The following C3orf70 variants were observed in gnomAD, a reference collection of about 807,000 sequenced individuals.
C3orf70 encodes chromosome 3 open reading frame 70, also known as UPF0524 protein C3orf70.
C3orf70 carries 15 observed loss-of-function variants against 20.7 expected under a neutral mutation model. That is an observed-to-expected ratio of 0.72 (90% CI 0.48 to 1.11). C3orf70 has a LOEUF of 1.11. C3orf70 is among the 50% of genes most tolerant of loss of function. The probability of loss-of-function intolerance (pLI) is 0.00; values close to 1 mark genes in which losing one functional copy is unlikely to be tolerated. For synonymous variants in C3orf70, 161 were observed against 125.7 expected, an observed-to-expected ratio of 1.28 and a Z score of -1.88; for missense variants, 332 against 317.6, an observed-to-expected ratio of 1.05 and a Z score of -0.34.
At chr3:185,086,881 A>G (rs1031021429) in intron 1 of C3orf70, among the ~76,000 whole-genome samples, 5 of 152,372 alleles carry the variant, frequency 3.3e-5, no homozygotes, top group African/African-American at 1.2e-4. Context: ...CAATCATTAC[A>G]TAATACTATA....
chr3:185,152,782 C>T lies in C3orf70; in HGVS notation c.42G>A (p.Lys14=), dbSNP rs751009927. ...CCTGAGCCTCATCTAGTTTCTCGCT[C>T]TTCCAACCCCGCTCCGACGCCGGCG... ...AASPASERGW[K]SEKLDEAQAL... Residue 14 remains lysine, a synonymous_variant, in exon 1 of 2, where the codon AAG becomes AAA. Coordinates refer to ENST00000335012, the MANE Select transcript of C3orf70 (RefSeq NM_001025266.3). The T allele has an allele frequency of 7.0e-6, 11 of 1,571,916 alleles. No homozygotes were observed. Among genetic ancestry groups the T allele is most frequent in the African/African-American group, 5.6e-5 (4 of 71,424 alleles).
intron 1 of C3orf70, among the ~76,000 whole-genome samples, chr3:185,141,784 T>C (rs1032512281): frequency 6.9e-6 from 1 of 145,752 alleles, no homozygotes; most frequent in African/African-American, 2.6e-5. Context: ...AAGTATGCAG[T>C]GGGGAAATGC....
In C3orf70 at chr3:185,152,674, G is replaced by T; in HGVS notation, c.150C>A (p.Gly50=). The T allele has an allele frequency of 6.3e-7, 1 of 1,592,710 alleles. No individual in the cohort carries two copies. The highest frequency in any genetic ancestry group is 2.4e-5 in the East Asian group (1 of 42,344). The change falls in exon 1 of 2, where the codon GGC becomes GGA. Residue 50 remains glycine, a synonymous_variant. Coordinates refer to ENST00000335012, the MANE Select transcript of C3orf70 (RefSeq NM_001025266.3). ...GLSICATHSH[G]KCFKLHWCCH... is the part of the protein sequence containing the mutation. ...AGCACCAGTGCAGCTTGAAGCACTT[G>T]CCATGGCTGTGCGTGGCACAGATAG...
chr3:185,117,440 C>A, intron 1 of C3orf70, among the ~76,000 whole-genome samples: 1 of 139,342 alleles, frequency 7.2e-6, no homozygotes. Flanking sequence ...CACACACACA[C>A]ACACACACAC....
chr3:185,115,027 T>G (rs1443742725), intron 1 of C3orf70, among the ~76,000 whole-genome samples: 2 of 152,238 alleles, frequency 1.3e-5, no homozygotes, highest in Admixed American at 1.3e-4. Context: ...AGATCAGTGA[T>G]TCTCAATCTT....
At chr3:185,119,578 G>T (rs1716250806) in intron 1 of C3orf70, among the ~76,000 whole-genome samples, 1 of 152,074 alleles carries the variant, frequency 6.6e-6, no homozygotes, top group African/African-American at 2.4e-5. Context: ...ATGTAAATGT[G>T]AAAATGAACT....
rs530221503 is a variant in C3orf70 at position 185,112,402 on chromosome 3, C to T, written c.197-28839G>A. Among the ~76,000 whole-genome samples, 12 of 152,296 alleles carry T rather than the reference C, an allele frequency of 7.9e-5. No homozygotes were observed. The East Asian group carries it at 2.1e-3, about 27-fold the overall frequency. Reference sequence around the variant, plus strand: ...CCACCTGGTTCTCATTTTCCTATTCCCCAGCAAGCATAATTTCACTAGTTT... The same window carrying T: ...CCACCTGGTTCTCATTTTCCTATTCTCCAGCAAGCATAATTTCACTAGTTT... On this transcript the variant is annotated intron_variant, in intron 1 of 1. Transcript: ENST00000335012.
Position 185,091,912 on chromosome 3 carries a change from CATATATATATATATATATAT to C in C3orf70, c.197-8369_197-8350del, listed in dbSNP as rs869291177. On this transcript the variant is annotated intron_variant, in intron 1 of 1. Coordinates refer to ENST00000335012, the MANE Select transcript of C3orf70 (RefSeq NM_001025266.3). Reference sequence around the variant, plus strand: ...ATACACACATACACACACACACATACATATATATATATATATATATATATATATATATATATATATATATA... The same window carrying C: ...ATACACACATACACACACACACATACATATATATATATATATATATATATA... Among the ~76,000 whole-genome samples the C allele has an allele frequency of 1.9e-3, 68 of 35,850 alleles. 4 individuals carry two copies. Among genetic ancestry groups the C allele is most frequent in the African/African-American group, 4.8e-3 (61 of 12,608 alleles). 23.5% of individuals were successfully genotyped at this position (35,850 alleles called of 152,430 possible).
chr3:185,108,945 A>G (rs946580732), intron 1 of C3orf70, among the ~76,000 whole-genome samples: 1 of 152,222 alleles, frequency 6.6e-6, no homozygotes, highest in Non-Finnish European at 1.5e-5. Context: ...GGTGATGGGC[A>G]TTCCAGCTTC....
At chr3:185,106,635 G>A (rs931606841) in intron 1 of C3orf70, among the ~76,000 whole-genome samples, 5 of 152,208 alleles carry the variant, frequency 3.3e-5, no homozygotes, top group Admixed American at 2.0e-4. Context: ...ATTCTAAACC[G>A]GGGCCTTTCC....
intron 1 of C3orf70, among the ~76,000 whole-genome samples, chr3:185,133,860 G>A (rs143664327): frequency 6.6e-6 from 1 of 152,234 alleles, no homozygotes; most frequent in African/African-American, 2.4e-5. Context: ...AGGCTGAGGT[G>A]GGCAGATCAC....
intron 1 of C3orf70, among the ~76,000 whole-genome samples, chr3:185,112,195 C>T (rs1716087831): frequency 6.6e-6 from 1 of 152,130 alleles, no homozygotes; most frequent in African/African-American, 2.4e-5. Context: ...GAAGCTGAGG[C>T]AGGAGAATCG....
At chr3:185,132,466 C>T (rs927244504) in intron 1 of C3orf70, among the ~76,000 whole-genome samples, 1 of 151,714 alleles carries the variant, frequency 6.6e-6, no homozygotes. Context: ...TTAAATATTG[C>T]CTTCTGGACA....
At chr3:185,089,202 T>TA (rs1333018419) in intron 1 of C3orf70, among the ~76,000 whole-genome samples, 93 of 152,316 alleles carry the variant, frequency 6.1e-4, no homozygotes, top group Non-Finnish European at 1.1e-3. Context: ...TCCTCATTTT[T>TA]TTTTTCTTGG....
intron 1 of C3orf70, among the ~76,000 whole-genome samples, chr3:185,138,965 G>A (rs562396950): frequency 9.2e-5 from 14 of 152,130 alleles, no homozygotes; most frequent in African/African-American, 3.1e-4. Context: ...AGCTGGACAT[G>A]GTGGCATACA....
intron 1 of C3orf70, among the ~76,000 whole-genome samples, chr3:185,135,071 C>T (rs897076732): frequency 6.6e-6 from 1 of 152,144 alleles, no homozygotes; most frequent in Non-Finnish European, 1.5e-5. Flanking sequence ...AGAGTCTCTT[C>T]ATATAATGGA....
intron 1 of C3orf70, among the ~76,000 whole-genome samples, chr3:185,141,554 A>G (rs946393147): frequency 1.1e-4 from 16 of 152,204 alleles, no homozygotes; most frequent in Non-Finnish European, 2.2e-4. Context: ...CATGTATACC[A>G]TGGAATACTA....
chr3:185,125,630 T>C (rs115926295), intron 1 of C3orf70, among the ~76,000 whole-genome samples: 2,151 of 152,192 alleles, frequency 0.014, 26 homozygotes, highest in African/African-American at 0.016. Flanking sequence ...GTTAAACAAA[T>C]TGTGGTACAT....
chr3:185,126,674 G>A (rs1716418230), intron 1 of C3orf70, among the ~76,000 whole-genome samples: 1 of 152,106 alleles, frequency 6.6e-6, no homozygotes, highest in African/African-American at 2.4e-5. Flanking sequence ...GGGTTTCTTT[G>A]CTTTAAGTGA....
Sources: allele counts gnomAD v4.1 joint callset (sites outside exome capture counted in the v4.1 genomes callset), GRCh38; gene constraint gnomAD v4.1.1; transcripts MANE v1.5; gene names NCBI Gene and HGNC (gene_info 2026-07-23, HGNC 2026-07-21).